Variants in QKI observed in about 807,000 individuals in gnomAD.
The protein encoded by QKI is QKI, KH domain containing RNA binding, also known as KH domain-containing RNA-binding protein QKI.
In QKI, 10 loss-of-function variants were observed where a neutral mutation model predicts 39.0. That is an observed-to-expected ratio of 0.26 (90% CI 0.16 to 0.43). The LOEUF (loss-of-function observed/expected upper bound fraction) is 0.43. Ranked by LOEUF, QKI falls within the 20% of genes least tolerant of loss-of-function variation. The pLI, the probability that QKI is intolerant of heterozygous loss-of-function variation, is 1.00. For missense variants in QKI, 218 were observed against 428.0 expected, an observed-to-expected ratio of 0.51 and a Z score of 4.33; for synonymous variants, 204 against 155.4, an observed-to-expected ratio of 1.31 and a Z score of -2.33.
chr6:163,485,896 C>T (rs1777637638), intron 3 of QKI, among the ~76,000 whole-genome samples: 1 of 152,140 alleles, frequency 6.6e-6, no homozygotes, highest in Middle Eastern at 3.2e-3. Flanking sequence ...TGTCATGGGC[C>T]ACACATAAAA....
chr6:163,526,547 A>G (rs1336918860), intron 3 of QKI, among the ~76,000 whole-genome samples: 1 of 152,220 alleles, frequency 6.6e-6, no homozygotes, highest in African/African-American at 2.4e-5. Context: ...TTTCCAGTTT[A>G]AAAGGATTTC....
At chr6:163,425,251 T>C (rs952668988) in intron 1 of QKI, among the ~76,000 whole-genome samples, 1 of 152,116 alleles carries the variant, frequency 6.6e-6, no homozygotes, top group African/African-American at 2.4e-5. Context: ...GCCAGCACCA[T>C]GGTGATGGGC....
intron 1 of QKI, among the ~76,000 whole-genome samples, chr6:163,424,660 T>A (rs2128208742): frequency 6.7e-6 from 1 of 150,092 alleles, no homozygotes; most frequent in South Asian, 2.1e-4. Context: ...TTTTTTTTAA[T>A]TTTGTGTGAG....
chr6:163,565,170 A>C (rs1442062809), intron 6 of QKI: 4 of 991,396 alleles, frequency 4.0e-6, no homozygotes, highest in Non-Finnish European at 4.8e-6. Context: ...TCTGTTGCAC[A>C]TTTCTTGAAG....
chr6:163,492,971 G>A (rs117182394), intron 3 of QKI, among the ~76,000 whole-genome samples: 2 of 151,936 alleles, frequency 1.3e-5, no homozygotes, highest in Non-Finnish European at 2.9e-5. Context: ...AGCCTTTCAC[G>A]TTTAGTGTAG....
intron 6 of QKI, 47 bp from the exon 7 acceptor site, chr6:163,566,674 C>G (rs1335632527): frequency 6.2e-7 from 1 of 1,604,172 alleles, no homozygotes; most frequent in Non-Finnish European, 8.5e-7. Context: ...TTTTTCCCCC[C>G]TTGTGAATGT....
At chr6:163,517,153 T>C (rs2128236641) in intron 3 of QKI, among the ~76,000 whole-genome samples, 1 of 152,012 alleles carries the variant, frequency 6.6e-6, no homozygotes, top group South Asian at 2.1e-4. Flanking sequence ...TTGGCTTGTA[T>C]AAGTTCATGC....
chr6:163,559,606 C>A (rs1355339363), intron 4 of QKI, among the ~76,000 whole-genome samples: 5 of 152,110 alleles, frequency 3.3e-5, no homozygotes, highest in Non-Finnish European at 7.3e-5. Context: ...GTATCCACTC[C>A]CTGTAATCTT....
chr6:163,457,567 A>G (rs1477210135), intron 2 of QKI: 1 of 410,110 alleles, frequency 2.4e-6, no homozygotes, highest in Non-Finnish European at 4.9e-6. Context: ...GGCGAGGCCT[A>G]GCAATTTGCC....
intron 3 of QKI, among the ~76,000 whole-genome samples, chr6:163,487,065 C>T (rs1777728244): frequency 6.6e-6 from 1 of 152,146 alleles, no homozygotes; most frequent in African/African-American, 2.4e-5. Context: ...ATTGATACAC[C>T]AGAGTGGCTT....
chr6:163,500,670 T>A (rs1320430218), intron 3 of QKI, among the ~76,000 whole-genome samples: 2 of 152,132 alleles, frequency 1.3e-5, no homozygotes, highest in East Asian at 3.9e-4. Flanking sequence ...CATCAAATAA[T>A]GCATACACTT....
chr6:163,522,326 G>T (rs1043539447), intron 3 of QKI, among the ~76,000 whole-genome samples: 1 of 152,074 alleles, frequency 6.6e-6, no homozygotes, highest in Non-Finnish European at 1.5e-5. Context: ...CACTCACAGG[G>T]TGTAGTAGAA....
intron 2 of QKI, among the ~76,000 whole-genome samples, chr6:163,469,934 G>A (rs1792058410): frequency 6.6e-6 from 1 of 152,034 alleles, no homozygotes; most frequent in South Asian, 2.1e-4. Flanking sequence ...AGATTAAAAA[G>A]CAACTGCTCA....
intron 1 of QKI, among the ~76,000 whole-genome samples, chr6:163,420,978 A>G (rs1356842383): frequency 2.0e-5 from 3 of 152,158 alleles, no homozygotes; most frequent in Non-Finnish European, 4.4e-5. Context: ...CCTGGCATAC[A>G]CTTCTCAGAT....
At chr6:163,415,430 C>G in intron 1 of QKI, 95 bp downstream of exon 1, 12 of 755,016 alleles carry the variant, frequency 1.6e-5, no homozygotes, top group Non-Finnish European at 2.0e-5. Context: ...AGGTCACGGC[C>G]GGGCGGGACC....
chr6:163,449,935 T>C (rs1790421488), intron 1 of QKI, among the ~76,000 whole-genome samples: 4 of 152,104 alleles, frequency 2.6e-5, no homozygotes, highest in Admixed American at 2.0e-4. Context: ...AGTTTTCCAG[T>C]GATTGATCTG....
At chr6:163,478,920 G>A (rs1330643277) in intron 3 of QKI, 24 bp downstream of exon 3, 2 of 1,486,820 alleles carry the variant, frequency 1.3e-6, no homozygotes, top group Middle Eastern at 1.7e-4. Context: ...AATGGACTAA[G>A]TCTTTATGTG....
rs369372840 is a variant in QKI at position 163,415,366 on chromosome 6, C to A, written c.142+31C>A. 2.6e-6 allele frequency: 4 copies of A among 1,561,246 alleles called. No homozygotes were observed. In the African/African-American group the frequency reaches 4.1e-5, roughly 16 times the overall value. On this transcript the variant is annotated intron_variant, in intron 1 of 7. Transcript: ENST00000361752. ...CGTCTCCAGGGCCCCGGCCCCGGCC[C>A]GACCCCCGCCGGGGCGGCCCCTTTC...
At chr6:163,415,744 C>T (rs1286940932) in intron 1 of QKI, among the ~76,000 whole-genome samples, 2 of 151,954 alleles carry the variant, frequency 1.3e-5, no homozygotes, top group Non-Finnish European at 2.9e-5. Flanking sequence ...GACGCGTGTG[C>T]CCGGCGCGGG....
Sources: allele counts gnomAD v4.1 joint callset (sites outside exome capture counted in the v4.1 genomes callset), GRCh38; gene constraint gnomAD v4.1.1; transcripts MANE v1.5; gene names NCBI Gene and HGNC (gene_info 2026-07-23, HGNC 2026-07-21).